The following SCUBE1 variants were observed in gnomAD, a reference collection of about 807,000 sequenced individuals.
SCUBE1 encodes signal peptide, CUB and EGF-like domain-containing protein 1.
SCUBE1 carries 59 observed loss-of-function variants against 124.4 expected under a neutral mutation model. That is an observed-to-expected ratio of 0.47 (90% CI 0.38 to 0.59). The LOEUF is 0.59. SCUBE1 is among the 20% of genes least tolerant of loss of function. The pLI, the probability that SCUBE1 is intolerant of heterozygous loss-of-function variation, is 0.00. For synonymous variants in SCUBE1, 545 were observed against 550.9 expected, an observed-to-expected ratio of 0.99 and a Z score of 0.15; for missense variants, 1,150 against 1,371.2, an observed-to-expected ratio of 0.84 and a Z score of 2.55.
At chr22:43,206,647 G>A (rs1921296829) in intron 21 of SCUBE1, among the ~76,000 whole-genome samples, 1 of 87,862 alleles carries the variant, frequency 1.1e-5, no homozygotes, top group Non-Finnish European at 2.8e-5. Flanking sequence ...GAAAGAGGTG[G>A]GGGAAAGAAG....
chr22:43,249,049 C>T (rs1190048441), intron 6 of SCUBE1, among the ~76,000 whole-genome samples: 1 of 152,036 alleles, frequency 6.6e-6, no homozygotes, highest in African/African-American at 2.4e-5. Context: ...AGTGGTGGGA[C>T]AGGGGAGGAA....
At chr22:43,227,001 T>TTG (rs1351158975) in intron 10 of SCUBE1, among the ~76,000 whole-genome samples, 1 of 152,108 alleles carries the variant, frequency 6.6e-6, no homozygotes. Flanking sequence ...AAGGGGAAGC[T>TTG]ACCAGAGGAG....
chr22:43,313,796 G>A lies in SCUBE1; in HGVS notation c.349+6141C>T, dbSNP rs945374223. Among the ~76,000 whole-genome samples, 6 of 152,294 alleles carry A rather than the reference G, an allele frequency of 3.9e-5. No homozygotes were observed. The East Asian group carries it at 9.6e-4, about 24-fold the overall frequency. ...GCCATCTCCACAGGAAAATAACCTC[G>A]CTTACTCGAAAGAAAAGAAAAGGTT... On this transcript the variant is annotated intron_variant, in intron 3 of 21. Coordinates refer to ENST00000360835, the MANE Select transcript of SCUBE1 (RefSeq NM_173050.5).
At chr22:43,283,707 C>T (rs1005743944) in intron 4 of SCUBE1, 1 of 152,246 alleles carries the variant, frequency 6.6e-6, no homozygotes, top group Non-Finnish European at 1.5e-5. Context: ...GGATGTTAAA[C>T]TCTAGTGACG....
At chr22:43,325,400 G>A (rs991482069) in intron 2 of SCUBE1, among the ~76,000 whole-genome samples, 1 of 141,996 alleles carries the variant, frequency 7.0e-6, no homozygotes, top group Non-Finnish European at 1.5e-5. Flanking sequence ...CCGAGATCGC[G>A]CCGTTGCACT....
At chr22:43,305,677 C>A (rs1259041475) in intron 3 of SCUBE1, among the ~76,000 whole-genome samples, 1 of 152,188 alleles carries the variant, frequency 6.6e-6, no homozygotes, top group East Asian at 1.9e-4. Flanking sequence ...AACACAGGCC[C>A]TGGGGAGGGT....
intron 5 of SCUBE1, among the ~76,000 whole-genome samples, chr22:43,259,813 G>C (rs1923805169): frequency 6.6e-6 from 1 of 152,194 alleles, no homozygotes. Flanking sequence ...GACTTCTAGG[G>C]GGAAATTTCA....
intron 5 of SCUBE1, among the ~76,000 whole-genome samples, chr22:43,262,423 G>A (rs1210591673): frequency 6.6e-6 from 1 of 152,162 alleles, no homozygotes; most frequent in South Asian, 2.1e-4. Flanking sequence ...AGACCTCTGT[G>A]CCACGGCCCC....
chr22:43,222,546 C>T (rs1230203389), intron 12 of SCUBE1, 92 bp downstream of exon 12: 2 of 1,002,946 alleles, frequency 2.0e-6, no homozygotes, highest in Non-Finnish European at 3.0e-6. Flanking sequence ...AAGGTCTTCC[C>T]TGGGCGGTGC....
At chr22:43,267,055 C>T (rs772371871) in intron 4 of SCUBE1, among the ~76,000 whole-genome samples, 3 of 152,192 alleles carry the variant, frequency 2.0e-5, no homozygotes, top group African/African-American at 7.2e-5. Flanking sequence ...TCGAGGGAGA[C>T]ACAGGGAGGG....
At chr22:43,239,743 C>T (rs1922926772) in intron 6 of SCUBE1, among the ~76,000 whole-genome samples, 1 of 152,234 alleles carries the variant, frequency 6.6e-6, no homozygotes, top group African/African-American at 2.4e-5. Context: ...TCCTAAGCAT[C>T]TGGCAGGCTT....
Position 43,300,930 on chromosome 22 carries a change from C to T in SCUBE1, c.350-9750G>A, listed in dbSNP as rs541426065. On this transcript the variant is annotated intron_variant, in intron 3 of 21. Transcript: ENST00000360835. ...CTGGTGCCTGCACGTGGACATCCTG[C>T]GGGCGTGACAGACTTCATGGGCCGC... 2.6e-5 allele frequency among the ~76,000 whole-genome samples: 4 copies of T among 152,254 alleles called. No individual in the cohort carries two copies. In the South Asian group the frequency reaches 8.3e-4, roughly 32 times the overall value.
chr22:43,291,359 C>G (rs1925350250), intron 3 of SCUBE1, among the ~76,000 whole-genome samples, 179 bp from the exon 4 acceptor site: 2 of 152,214 alleles, frequency 1.3e-5, no homozygotes, highest in African/African-American at 4.8e-5. Context: ...CTCCACGGCC[C>G]TGCACCATGG....
chr22:43,198,505 G>T lies in SCUBE1; in HGVS notation c.*5492C>A, dbSNP rs1174568353. ...AGGGCCAGGGATCTGTGGGTGCTGTGGGGGCAGAGGCAGCCGCGGTAGAAT... is the reference window on the plus strand; with the variant it reads ...AGGGCCAGGGATCTGTGGGTGCTGTTGGGGCAGAGGCAGCCGCGGTAGAAT... On this transcript the variant is annotated 3_prime_UTR_variant, in exon 22 of 22. Transcript: ENST00000360835. 4.4e-6 allele frequency: 2 copies of T among 455,440 alleles called. No individual in the cohort carries two copies. The highest frequency in any genetic ancestry group is 1.6e-5 in the South Asian group (1 of 64,392). The allele number at this position is 455,440 out of a possible 1,614,324, so 28.2% of individuals were successfully genotyped here. A position where few individuals can be genotyped will look rare whatever the true frequency, so the allele number is the denominator to read the frequency against.
At chr22:43,208,766 C>T (rs1921406061) in intron 19 of SCUBE1, among the ~76,000 whole-genome samples, 1 of 152,214 alleles carries the variant, frequency 6.6e-6, no homozygotes. Context: ...GAGCCGAGTG[C>T]GGCAGCGTGG....
At chr22:43,215,450 TG>T (rs1921769356) in intron 15 of SCUBE1, among the ~76,000 whole-genome samples, 1 of 152,206 alleles carries the variant, frequency 6.6e-6, no homozygotes, top group Admixed American at 6.5e-5. Context: ...GTGGCTGACA[TG>T]GCGGGAGCTG....
At chr22:43,335,894 G>A (rs1927058949) in intron 2 of SCUBE1, among the ~76,000 whole-genome samples, 1 of 150,902 alleles carries the variant, frequency 6.6e-6, no homozygotes, top group Non-Finnish European at 1.5e-5. Flanking sequence ...TGGTGATGTT[G>A]GTGGTGATGA....
At position 43,198,661 on chromosome 22, in the gene SCUBE1, G is replaced by T. The variant is rs533934349; in HGVS notation, c.*5336C>A. On this transcript the variant is annotated 3_prime_UTR_variant, in exon 22 of 22. Transcript: ENST00000360835. ...TTGGTGAAAAGGGACCTCAATGTCA[G>T]GTGCAGTTTGCCAGGGTGACCAGAC... 1.1e-5 allele frequency: 5 copies of T among 456,754 alleles called. No homozygotes were observed. The highest frequency in any genetic ancestry group is 7.7e-5 in the South Asian group (5 of 64,568). 28.3% of individuals were successfully genotyped at this position (456,754 alleles called of 1,614,324 possible). A position where few individuals can be genotyped will look rare whatever the true frequency, so the allele number is the denominator to read the frequency against.
At chr22:43,314,738 G>C (rs558893860) in intron 3 of SCUBE1, among the ~76,000 whole-genome samples, 5 of 152,156 alleles carry the variant, frequency 3.3e-5, no homozygotes, top group Non-Finnish European at 5.9e-5. Flanking sequence ...GGGTGGAGCC[G>C]AGGGTGGGAA....
Sources: allele counts gnomAD v4.1 joint callset (sites outside exome capture counted in the v4.1 genomes callset), GRCh38; gene constraint gnomAD v4.1.1; transcripts MANE v1.5; gene names NCBI Gene and HGNC (gene_info 2026-07-23, HGNC 2026-07-21).